The following DLG2 variants were observed in gnomAD, a reference collection of about 807,000 sequenced individuals.
DLG2 encodes discs large MAGUK scaffold protein 2.
In DLG2, 45 loss-of-function variants were observed where a neutral mutation model predicts 132.5. The observed-to-expected ratio is 0.34, with a 90% CI of 0.27 to 0.44. The LOEUF is 0.44. Among genes scored for constraint, DLG2 ranks in the 20% least tolerant of loss-of-function variants. The pLI is 1.00. For synonymous variants in DLG2, 424 were observed against 419.6 expected (o/e 1.01, Z -0.13); for missense variants, 1,045 against 1,196.9 (o/e 0.87, Z 1.87).
At position 85,097,891 on chromosome 11, in the gene DLG2, G is replaced by A. The variant is rs542105008; in HGVS notation, c.357+13770C>T. On this transcript the variant is annotated intron_variant, in intron 6 of 27. Coordinates refer to ENST00000376104, the MANE Select transcript of DLG2 (RefSeq NM_001142699.3). Reference sequence around the variant, plus strand: ...TATGTGAGTTGTCCTTACTCTGCATGCAATATTTTGCCCTCTTTAGGGGTA... The same window carrying A: ...TATGTGAGTTGTCCTTACTCTGCATACAATATTTTGCCCTCTTTAGGGGTA... Among the ~76,000 whole-genome samples the A allele has an allele frequency of 2.0e-5, 3 of 152,300 alleles. No homozygotes were observed. The South Asian group carries it at 6.2e-4, about 32-fold the overall frequency.
At position 83,455,645 on chromosome 11, in the gene DLG2, G is replaced by A. The variant is rs1281896117; in HGVS notation, c.*4173C>T. On this transcript the variant is annotated 3_prime_UTR_variant, in exon 28 of 28. Transcript: ENST00000376104. ...TTTCCAAAGCACAGGTTTCAGTGAG[G>A]AAGGATATTTACAGACTTGAGTGTG... 1 of 152,646 alleles carries A rather than the reference G, an allele frequency of 6.6e-6. No individual in the cohort carries two copies. The allele number at this position is 152,646 out of a possible 1,614,324, so 9.5% of individuals were successfully genotyped here.
At chr11:83,469,049 T>C in intron 25 of DLG2, 152 bp downstream of exon 25, 1 of 630,458 alleles carries the variant, frequency 1.6e-6, no homozygotes, top group Non-Finnish European at 2.7e-6. Flanking sequence ...ATGACATTGC[T>C]CTAAGGTGAT....
intron 15 of DLG2, among the ~76,000 whole-genome samples, chr11:83,914,812 C>T (rs2076657855): frequency 6.6e-6 from 1 of 152,084 alleles, no homozygotes; most frequent in Non-Finnish European, 1.5e-5. Flanking sequence ...TGCTTCAGAG[C>T]ATTTGAGGAT....
intron 11 of DLG2, among the ~76,000 whole-genome samples, chr11:83,996,833 C>T (rs189747644): frequency 1.3e-5 from 2 of 152,088 alleles, no homozygotes; most frequent in East Asian, 3.9e-4. Flanking sequence ...AGAAGGGTAG[C>T]AGGGAGCTTG....
chr11:85,337,697 T>A (rs952974968), intron 3 of DLG2, among the ~76,000 whole-genome samples: 2 of 152,222 alleles, frequency 1.3e-5, no homozygotes, highest in Admixed American at 6.5e-5. Flanking sequence ...AAAGTCTAGA[T>A]AAGTCCTTCC....
At chr11:83,781,154 C>T (rs528096838) in intron 18 of DLG2, among the ~76,000 whole-genome samples, 2 of 152,264 alleles carry the variant, frequency 1.3e-5, no homozygotes, top group East Asian at 3.9e-4. Flanking sequence ...GCATAGCTTA[C>T]TCCCTCATTT....
chr11:85,410,827 C>G (rs1037435446), intron 3 of DLG2, among the ~76,000 whole-genome samples: 1 of 151,764 alleles, frequency 6.6e-6, no homozygotes, highest in African/African-American at 2.4e-5. Flanking sequence ...CAGATTTGCA[C>G]ATACTTTAAT....
At chr11:83,911,788 G>A (rs1281452304) in intron 15 of DLG2, among the ~76,000 whole-genome samples, 5 of 151,812 alleles carry the variant, frequency 3.3e-5, no homozygotes, top group Non-Finnish European at 7.4e-5. Flanking sequence ...TTAATTTAGA[G>A]GAAAAAAACC....
intron 7 of DLG2, among the ~76,000 whole-genome samples, chr11:84,328,404 G>A (rs989390623): frequency 6.6e-6 from 1 of 151,910 alleles, no homozygotes; most frequent in African/African-American, 2.4e-5. Context: ...CACATAGTAG[G>A]GTTTAATACA....
At chr11:84,087,694 T>C (rs1171474446) in intron 10 of DLG2, among the ~76,000 whole-genome samples, 1 of 152,012 alleles carries the variant, frequency 6.6e-6, no homozygotes, top group African/African-American at 2.4e-5. Flanking sequence ...AATGAAGAGA[T>C]AGGATGATGG....
At chr11:85,162,497 G>A (rs1245245680) in intron 4 of DLG2, among the ~76,000 whole-genome samples, 4 of 152,236 alleles carry the variant, frequency 2.6e-5, no homozygotes, top group Admixed American at 6.5e-5. Context: ...CTGCAAGAAT[G>A]AGGACTGTAA....
intron 6 of DLG2, among the ~76,000 whole-genome samples, chr11:84,621,643 G>A (rs1033415149): frequency 2.0e-5 from 3 of 152,180 alleles, no homozygotes; most frequent in Admixed American, 1.3e-4. Flanking sequence ...ATTTGGAAGA[G>A]AACTAAAAGC....
intron 11 of DLG2, among the ~76,000 whole-genome samples, chr11:84,054,881 A>G (rs1392623734): frequency 6.6e-6 from 1 of 152,080 alleles, no homozygotes; most frequent in African/African-American, 2.4e-5. Flanking sequence ...AACTGAAAAC[A>G]TTCTTGGCAT....
At chr11:85,148,757 G>T (rs1169890440) in intron 5 of DLG2, among the ~76,000 whole-genome samples, 1 of 152,150 alleles carries the variant, frequency 6.6e-6, no homozygotes, top group African/African-American at 2.4e-5. Flanking sequence ...AGTTTAATTA[G>T]ATTCCATTTG....
chr11:84,476,594 T>C (rs1047035022), intron 7 of DLG2, among the ~76,000 whole-genome samples: 1 of 152,078 alleles, frequency 6.6e-6, no homozygotes, highest in Non-Finnish European at 1.5e-5. Flanking sequence ...CAAGAAAAAA[T>C]AAAGCAAGAG....
At chr11:84,128,562 A>AT (rs2094280527) in intron 9 of DLG2, among the ~76,000 whole-genome samples, 2 of 152,080 alleles carry the variant, frequency 1.3e-5, no homozygotes, top group South Asian at 4.2e-4. Flanking sequence ...TGACTGGGTA[A>AT]ATCTAACTGT....
intron 7 of DLG2, among the ~76,000 whole-genome samples, chr11:84,293,324 G>A (rs1024509182): frequency 6.6e-6 from 1 of 151,578 alleles, no homozygotes; most frequent in Non-Finnish European, 1.5e-5. Flanking sequence ...TTTTTTTTTA[G>A]ATTCCATGAA....
At position 85,065,233 on chromosome 11, in the gene DLG2, T is replaced by C. The variant is rs139135581; in HGVS notation, c.357+46428A>G. Reference sequence around the variant, plus strand: ...TATTTATTATTAGAAATATTGCTTCTAAAAGGGCTCTCTGTGGAGCTATCT... The same window carrying C: ...TATTTATTATTAGAAATATTGCTTCCAAAAGGGCTCTCTGTGGAGCTATCT... On this transcript the variant is annotated intron_variant, in intron 6 of 27. Transcript: ENST00000376104. 2.6e-4 allele frequency among the ~76,000 whole-genome samples: 40 copies of C among 151,736 alleles called. No homozygotes were observed. The East Asian group carries it at 7.0e-3, about 27-fold the overall frequency.
At chr11:85,500,166 G>A (rs1159542675) in intron 3 of DLG2, among the ~76,000 whole-genome samples, 3 of 152,076 alleles carry the variant, frequency 2.0e-5, no homozygotes, top group Non-Finnish European at 4.4e-5. Context: ...GTCTCCCTTT[G>A]CAGATGACAT....
Sources: gnomAD v4.1 joint callset for allele counts (sites outside exome capture counted in the v4.1 genomes callset) on GRCh38, gnomAD v4.1.1 for gene constraint, MANE v1.5 for transcripts, NCBI Gene and HGNC (gene_info 2026-07-23, HGNC 2026-07-21) for gene names.